Variants in PRKN observed in about 807,000 individuals in gnomAD.
PRKN encodes E3 ubiquitin-protein ligase parkin.
Under a neutral mutation model 59.5 loss-of-function variants are expected in PRKN, and 56 were observed. That is an observed-to-expected ratio of 0.94 (90% CI 0.76 to 1.18). The LOEUF is 1.18. Ranked by LOEUF, PRKN falls within the 50% of genes most tolerant of loss-of-function variation. The pLI, the probability that PRKN is intolerant of heterozygous loss-of-function variation, is 0.00. For missense variants in PRKN, 657 were observed against 596.4 expected (o/e 1.10, Z -1.06); for synonymous variants, 250 against 222.1 (o/e 1.13, Z -1.12).
chr6:162,518,278 T>C (rs1777948914), intron 1 of PRKN, among the ~76,000 whole-genome samples: 1 of 152,188 alleles, frequency 6.6e-6, no homozygotes, highest in Non-Finnish European at 1.5e-5. Context: ...TAGTTCTATA[T>C]ACACACACAG....
At chr6:161,366,982 CTTTTTTTTTTTTTT>C (rs57164972) in intron 10 of PRKN, among the ~76,000 whole-genome samples, 4 of 91,946 alleles carry the variant, frequency 4.4e-5, no homozygotes, top group East Asian at 3.3e-4. Context: ...TTTTTGTTTC[CTTTTTTTTTTTTTT>C]TTTTTTTTTT....
intron 3 of PRKN, among the ~76,000 whole-genome samples, chr6:162,237,642 G>T (rs752453860): frequency 3.3e-5 from 5 of 152,102 alleles, no homozygotes; most frequent in Non-Finnish European, 5.9e-5. Context: ...GCATGCTTAT[G>T]GCATCCCAGT....
intron 3 of PRKN, among the ~76,000 whole-genome samples, chr6:162,258,041 G>A (rs1779724001): frequency 1.3e-5 from 2 of 152,090 alleles, no homozygotes; most frequent in African/African-American, 4.8e-5. Context: ...GCCTGCCTGG[G>A]GCTCACGAGT....
At chr6:162,364,282 A>C (rs571452033) in intron 2 of PRKN, among the ~76,000 whole-genome samples, 97 of 152,308 alleles carry the variant, frequency 6.4e-4, no homozygotes, top group Middle Eastern at 6.8e-3. Flanking sequence ...ATACCCAAAT[A>C]ATTATCTGTA....
At chr6:162,522,530 T>C (rs903942228) in intron 1 of PRKN, among the ~76,000 whole-genome samples, 2 of 152,218 alleles carry the variant, frequency 1.3e-5, no homozygotes, top group African/African-American at 2.4e-5. Context: ...TTTGTTTGCT[T>C]TGTTAAACTG....
At chr6:162,108,889 T>C (rs995341207) in intron 4 of PRKN, among the ~76,000 whole-genome samples, 4 of 152,222 alleles carry the variant, frequency 2.6e-5, no homozygotes, top group Admixed American at 2.6e-4. Context: ...GGAGGGTTCT[T>C]GACTTTGCCC....
intron 1 of PRKN, among the ~76,000 whole-genome samples, chr6:162,715,441 G>A (rs1038416889): frequency 5.9e-5 from 9 of 152,160 alleles, no homozygotes; most frequent in African/African-American, 1.9e-4. Flanking sequence ...ACAGTCTGAA[G>A]TACACAAACC....
In PRKN at chr6:161,882,633, A is replaced by G. The variant is rs1464100703; in HGVS notation, c.734+90669T>C. On this transcript the variant is annotated intron_variant, in intron 6 of 11. Transcript: ENST00000366898. ...GAGAGAGTACAGTCACTGGAGTCAA[A>G]TATGTTTTAACTGTTTCCTCTCATT... 2.0e-5 allele frequency among the ~76,000 whole-genome samples: 3 copies of G among 152,226 alleles called. No individual in the cohort carries two copies. The East Asian group carries it at 5.8e-4, about 29-fold the overall frequency.
intron 2 of PRKN, among the ~76,000 whole-genome samples, chr6:162,306,243 A>G (rs9364649): frequency 2.6e-5 from 4 of 152,040 alleles, no homozygotes; most frequent in African/African-American, 9.7e-5. Flanking sequence ...GGCCTGACTG[A>G]GGGTGTCGGG....
At position 162,028,001 on chromosome 6, in the gene PRKN, A is replaced by G. The variant is rs1346130816; in HGVS notation, c.618+26090T>C. 2.6e-5 allele frequency among the ~76,000 whole-genome samples: 4 copies of G among 152,146 alleles called. No homozygotes were observed. The East Asian group carries it at 5.8e-4, about 22-fold the overall frequency. On this transcript the variant is annotated intron_variant, in intron 5 of 11. Transcript: ENST00000366898. Reference sequence around the variant, plus strand: ...TTGCCAGGATAAAAAAAAATCACATAAGAAATATACTCCGAATACTGCCTC... The same window carrying G: ...TTGCCAGGATAAAAAAAAATCACATGAGAAATATACTCCGAATACTGCCTC...
intron 1 of PRKN, among the ~76,000 whole-genome samples, chr6:162,445,552 C>T (rs1389900214): frequency 1.3e-5 from 2 of 151,480 alleles, no homozygotes; most frequent in South Asian, 2.1e-4. Context: ...ATCAGCAGGG[C>T]GTGGTGGCGT....
chr6:161,641,561 A>G (rs1037802602), intron 7 of PRKN, among the ~76,000 whole-genome samples: 1 of 152,210 alleles, frequency 6.6e-6, no homozygotes, highest in Non-Finnish European at 1.5e-5. Flanking sequence ...AGACTGACAG[A>G]GTAATAATAA....
In PRKN at chr6:161,454,268, C is replaced by T. The variant is rs1789870990; in HGVS notation, c.1084-67391G>A. On this transcript the variant is annotated intron_variant, in intron 9 of 11. Coordinates refer to ENST00000366898, the MANE Select transcript of PRKN (RefSeq NM_004562.3). This position sits in a 1 kb window ranked among gnomAD's most constrained non-coding sequence, Gnocchi z 4.6. ...CGGCACATAGCCTGTGTCTTTTGAGCTCACTTTCCATGTTATCCTAGGTCC... is the reference window on the plus strand; with the variant it reads ...CGGCACATAGCCTGTGTCTTTTGAGTTCACTTTCCATGTTATCCTAGGTCC... Among the ~76,000 whole-genome samples the T allele has an allele frequency of 6.6e-6, 1 of 152,166 alleles. No homozygotes were observed. Among genetic ancestry groups the T allele is most frequent in the South Asian group, 2.1e-4 (1 of 4,828 alleles).
intron 2 of PRKN, among the ~76,000 whole-genome samples, chr6:162,281,719 C>T (rs1322911470): frequency 6.6e-6 from 1 of 152,140 alleles, no homozygotes; most frequent in African/African-American, 2.4e-5. Flanking sequence ...TTTTGCAGCT[C>T]ATTACAGTTT....
At chr6:161,512,420 C>T (rs551427662) in intron 9 of PRKN, among the ~76,000 whole-genome samples, 11 of 152,122 alleles carry the variant, frequency 7.2e-5, no homozygotes, top group Non-Finnish European at 1.5e-4. Flanking sequence ...AAGTGTATTG[C>T]TATTGTAAGT....
intron 7 of PRKN, among the ~76,000 whole-genome samples, chr6:161,675,892 A>C (rs1288292599): frequency 6.6e-6 from 1 of 152,240 alleles, no homozygotes; most frequent in East Asian, 1.9e-4. Flanking sequence ...CATAAAAGTA[A>C]ATTTGAAAAT....
In PRKN at chr6:161,457,024, G is replaced by C. The variant is rs1583093806; in HGVS notation, c.1084-70147C>G. Among the ~76,000 whole-genome samples the C allele has an allele frequency of 6.6e-6, 1 of 152,190 alleles. No individual in the cohort carries two copies. The highest frequency in any genetic ancestry group is 1.5e-5 in the Non-Finnish European group (1 of 68,034). On this transcript the variant is annotated intron_variant, in intron 9 of 11. Coordinates refer to ENST00000366898, the MANE Select transcript of PRKN (RefSeq NM_004562.3). The surrounding 1 kb of genome is among the most constrained non-coding windows in gnomAD (Gnocchi z 5.0). ...TCAGGACCTGGGTTTGGGCGTGGAA[G>C]GGCGGTGTGAGAGCAAGGCTGAATA... is the stretch of plus-strand genomic sequence containing the variant.
At chr6:162,270,279 T>C (rs1177904876) in intron 2 of PRKN, 1 of 152,180 alleles carries the variant, frequency 6.6e-6, no homozygotes, top group Non-Finnish European at 1.5e-5. Context: ...AAACCAAACA[T>C]TGTATGTTCT....
intron 1 of PRKN, among the ~76,000 whole-genome samples, chr6:162,582,649 AAC>A (rs1166546153): frequency 6.6e-6 from 1 of 152,202 alleles, no homozygotes; most frequent in Non-Finnish European, 1.5e-5. Flanking sequence ...CATTTTAATG[AAC>A]AGAGTCCAAG....
Sources: gnomAD v4.1 joint callset for allele counts (sites outside exome capture counted in the v4.1 genomes callset) on GRCh38, gnomAD v4.1.1 for gene constraint, Gnocchi (gnomAD v3.1) non-coding constraint, MANE v1.5 for transcripts, NCBI Gene and HGNC (gene_info 2026-07-23, HGNC 2026-07-21) for gene names.